SLCO6A1: variants seen among roughly 807,000 people sequenced by gnomAD.
SLCO6A1 encodes solute carrier organic anion transporter family member 6A1, also known as cancer/testis antigen 48.
A neutral mutation model predicts 72.7 loss-of-function variants in SLCO6A1; 65 were observed. The ratio of observed to expected loss-of-function variants is 0.89; its 90% CI spans 0.73 to 1.10. The LOEUF is 1.10. SLCO6A1 is among the 50% of genes least tolerant of loss of function. The pLI, the probability that SLCO6A1 is intolerant of heterozygous loss-of-function variation, is 0.00. For synonymous variants in SLCO6A1, 314 were observed against 298.2 expected (o/e 1.05, Z -0.55); for missense variants, 874 against 872.6 (o/e 1.00, Z -0.02).
rs10055840 is a variant in SLCO6A1 at position 102,388,744 on chromosome 5, G to C, written c.1961C>G (p.Thr654Arg). The change falls in exon 12 of 14, where the codon ACA becomes AGA. Residue 654 changes from threonine to arginine, a missense_variant. Physicochemically the swap from Thr to Arg is moderately conservative, Grantham distance 71 (BLOSUM62 -1). Transcript: ENST00000506729. The part of the protein sequence containing the change: ...ILRDVNKCGH[T>R]GRCWIYNKTK... Reference sequence around the variant, plus strand: ...CTTGTTATATATCCAACAACGTCCTGTGTGTCCACATTTATTAACATCCCG... The same window carrying C: ...CTTGTTATATATCCAACAACGTCCTCTGTGTCCACATTTATTAACATCCCG... 409,748 of 1,601,736 alleles carry C rather than the reference G, an allele frequency of 0.26. 54,828 individuals carry two copies. The highest frequency in any genetic ancestry group is 0.29 in the Middle Eastern group (1,718 of 6,024).
intron 8 of SLCO6A1, 86 bp downstream of exon 8, chr5:102,419,740 G>T: frequency 1.9e-6 from 2 of 1,029,716 alleles, no homozygotes; most frequent in South Asian, 1.6e-5. Flanking sequence ...AACATATAAG[G>T]GTTACTGGAT....
At chr5:102,373,159 A>G (rs935758105) in intron 13 of SLCO6A1, among the ~76,000 whole-genome samples, 178 bp downstream of exon 13, 5 of 151,996 alleles carry the variant, frequency 3.3e-5, no homozygotes, top group African/African-American at 1.2e-4. Flanking sequence ...TTAAATGTGT[A>G]TTTTATATTT....
chr5:102,496,332 G>A (rs1425989732), intron 1 of SLCO6A1, among the ~76,000 whole-genome samples: 1 of 152,120 alleles, frequency 6.6e-6, no homozygotes, highest in Non-Finnish European at 1.5e-5. Flanking sequence ...TTTTAAAATT[G>A]TTTACAATGT....
Position 102,485,774 on chromosome 5 carries a change from C to CT in SLCO6A1, c.359-5341dup, listed in dbSNP as rs139190064. On this transcript the variant is annotated intron_variant, in intron 1 of 13. Transcript: ENST00000506729. ...CACTGTAATAAACCATAACCAAGAG[C>CT]TTATTTTAAGTCCTGTGAAGTCCCA... Among the ~76,000 whole-genome samples, 1,099 of 152,180 alleles carry CT rather than the reference C, an allele frequency of 7.2e-3. 9 individuals are homozygous for CT. The highest frequency in any genetic ancestry group is 0.025 in the African/African-American group (1,035 of 41,510).
chr5:102,384,079 T>C (rs6890130), intron 12 of SLCO6A1, among the ~76,000 whole-genome samples: 95,335 of 151,608 alleles, frequency 0.63, 30,236 homozygotes, highest in Non-Finnish European at 0.65. Flanking sequence ...TCTGTTTTTC[T>C]TAGTCTAGCT....
intron 7 of SLCO6A1, among the ~76,000 whole-genome samples, chr5:102,433,271 A>G (rs1437365168): frequency 6.6e-6 from 1 of 152,168 alleles, no homozygotes; most frequent in East Asian, 1.9e-4. Context: ...CAGTCACTTC[A>G]GCCATCTAAG....
intron 6 of SLCO6A1, among the ~76,000 whole-genome samples, chr5:102,441,711 C>A (rs1749842599): frequency 6.6e-6 from 1 of 151,990 alleles, no homozygotes; most frequent in South Asian, 2.1e-4. Context: ...TCCCAGTCAT[C>A]TTTAATAATG....
rs184221265 is a variant in SLCO6A1, at chr5:102,427,152, C to G, written c.1277-7131G>C. ...AAGTGAATAAAATATAAATAAGAAA[C>G]CTGGATATTAAAAAATATAATTCTT... On this transcript the variant is annotated intron_variant, in intron 7 of 13. Coordinates refer to ENST00000506729, the MANE Select transcript of SLCO6A1 (RefSeq NM_173488.5). 1.3e-4 allele frequency among the ~76,000 whole-genome samples: 20 copies of G among 151,610 alleles called. No individual in the cohort carries two copies. In the South Asian group the frequency reaches 4.2e-3, roughly 32 times the overall value.
chr5:102,416,268 A>T (rs1418406981), intron 8 of SLCO6A1, among the ~76,000 whole-genome samples: 2 of 152,100 alleles, frequency 1.3e-5, no homozygotes, highest in Non-Finnish European at 2.9e-5. Flanking sequence ...TTATAGCAGC[A>T]ATATTCACAA....
intron 1 of SLCO6A1, among the ~76,000 whole-genome samples, chr5:102,485,376 T>C (rs1752403907): frequency 6.6e-6 from 1 of 152,182 alleles, no homozygotes; most frequent in Non-Finnish European, 1.5e-5. Context: ...GAATATTCTA[T>C]CCAATAACAA....
At chr5:102,395,579 T>C (rs1239909113) in intron 10 of SLCO6A1, among the ~76,000 whole-genome samples, 8 of 152,130 alleles carry the variant, frequency 5.3e-5, no homozygotes, top group Non-Finnish European at 1.2e-4. Flanking sequence ...CTGGGTCAAA[T>C]GGTATTTCTA....
At chr5:102,459,180 T>C (rs568967330) in intron 5 of SLCO6A1, among the ~76,000 whole-genome samples, 1 of 152,044 alleles carries the variant, frequency 6.6e-6, no homozygotes, top group African/African-American at 2.4e-5. Context: ...GAAGCTAAGG[T>C]GGAAGGATAG....
chr5:102,417,903 C>T (rs1839926), intron 8 of SLCO6A1, among the ~76,000 whole-genome samples: 1 of 151,796 alleles, frequency 6.6e-6, no homozygotes, highest in Non-Finnish European at 1.5e-5. Flanking sequence ...GCTGAGGTGG[C>T]AGAATCACTT....
intron 4 of SLCO6A1, among the ~76,000 whole-genome samples, chr5:102,472,282 A>G (rs1414713862): frequency 6.6e-6 from 1 of 152,128 alleles, no homozygotes; most frequent in Non-Finnish European, 1.5e-5. Flanking sequence ...AGTTACCAAA[A>G]CGTTATACTA....
chr5:102,458,478 T>C lies in SLCO6A1; in HGVS notation c.1035A>G (p.Ile345Met). The C allele has an allele frequency of 1.2e-6, 2 of 1,612,262 alleles. No individual in the cohort carries two copies. Among genetic ancestry groups the C allele is most frequent in the South Asian group, 1.1e-5 (1 of 90,902 alleles). ...GAAGCTGTTTACGTTTCCTAGCTTT[T>C]ATCCGTGTTGAACCTATATATAAAC... ...FPNNMPGSTRIKARKRKQLHF... is the reference protein window; with the variant it reads ...FPNNMPGSTRMKARKRKQLHF... Residue 345 changes from isoleucine (I) to methionine (M), a missense_variant, in exon 6 of 14, where the codon ATA (isoleucine) becomes ATG (methionine). Physicochemically the swap from Ile to Met is conservative, Grantham distance 10. Coordinates refer to ENST00000506729, the MANE Select transcript of SLCO6A1 (RefSeq NM_173488.5).
chr5:102,406,708 C>T (rs1381803185), intron 9 of SLCO6A1, among the ~76,000 whole-genome samples: 1 of 151,802 alleles, frequency 6.6e-6, no homozygotes, highest in Non-Finnish European at 1.5e-5. Context: ...AATAACATAG[C>T]TTAAATTATG....
At position 102,373,306 on chromosome 5, in the gene SLCO6A1, C is replaced by T. The variant is rs779094597; in HGVS notation, c.*15+31G>A. 5 of 1,374,222 alleles carry T rather than the reference C, an allele frequency of 3.6e-6. No homozygotes were observed. The African/African-American group carries it at 6.0e-5, about 16-fold the overall frequency. 85.1% of individuals were successfully genotyped at this position (1,374,222 alleles called of 1,614,324 possible). On this transcript the variant is annotated intron_variant, in intron 13 of 13. Transcript: ENST00000506729. The stretch of plus-strand genomic sequence containing the variant: ...TTAAATTTTATTAATATTAATATTT[C>T]ATTGATAGATTGACAATGTGTAATT...
At chr5:102,413,763 C>T (rs1008728583) in intron 8 of SLCO6A1, among the ~76,000 whole-genome samples, 3 of 152,190 alleles carry the variant, frequency 2.0e-5, no homozygotes, top group Non-Finnish European at 2.9e-5. Flanking sequence ...TTCTCCTCAC[C>T]AACACTTGGT....
chr5:102,394,245 C>G (rs1358867951), intron 10 of SLCO6A1, among the ~76,000 whole-genome samples: 3 of 152,124 alleles, frequency 2.0e-5, no homozygotes, highest in African/African-American at 7.2e-5. Context: ...TATCCCATTC[C>G]CTTGCCTTTA....
Sources: allele counts gnomAD v4.1 joint callset (sites outside exome capture counted in the v4.1 genomes callset), GRCh38; gene constraint gnomAD v4.1.1; transcripts MANE v1.5; gene names NCBI Gene and HGNC (gene_info 2026-07-23, HGNC 2026-07-21).